CD200R1L: variants seen among roughly 807,000 people sequenced by gnomAD.
The protein encoded by CD200R1L is cell surface glycoprotein CD200 receptor 2.
Under a neutral mutation model 24.8 loss-of-function variants are expected in CD200R1L, and 14 were observed. The ratio of observed to expected loss-of-function variants is 0.56; its 90% CI spans 0.37 to 0.88. The LOEUF is 0.88. Among genes scored for constraint, CD200R1L ranks in the 40% least tolerant of loss-of-function variants. The pLI is 0.00. For synonymous variants in CD200R1L, 111 were observed against 109.2 expected, an observed-to-expected ratio of 1.02 and a Z score of -0.11; for missense variants, 299 against 297.8, an observed-to-expected ratio of 1.00 and a Z score of -0.03.
At chr3:112,835,557 C>T (rs918256719) in intron 3 of CD200R1L, among the ~76,000 whole-genome samples, 13 of 152,346 alleles carry the variant, frequency 8.5e-5, no homozygotes, top group African/African-American at 2.6e-4. Context: ...TTTCAGTTTG[C>T]GGGACCAGTA....
chr3:112,844,563 T>G (rs955680783), intron 2 of CD200R1L, among the ~76,000 whole-genome samples: 1 of 152,178 alleles, frequency 6.6e-6, no homozygotes, highest in Non-Finnish European at 1.5e-5. Flanking sequence ...AGAGAAAAGT[T>G]TATAGTGCTA....
chr3:112,845,036 CA>C (rs1229128940), intron 2 of CD200R1L, among the ~76,000 whole-genome samples: 1 of 151,944 alleles, frequency 6.6e-6, no homozygotes, highest in Non-Finnish European at 1.5e-5. Context: ...TCACTAAAAT[CA>C]GAGCAGAACT....
intron 2 of CD200R1L, among the ~76,000 whole-genome samples, chr3:112,841,911 C>G (rs780130259): frequency 2.6e-4 from 40 of 152,178 alleles, no homozygotes; most frequent in Non-Finnish European, 5.6e-4. Flanking sequence ...GAGAGGAGCC[C>G]CCACTCTCAG....
chr3:112,826,423 A>G lies in CD200R1L; in HGVS notation c.616+570T>C, dbSNP rs1234545430. On this transcript the variant is annotated intron_variant, in intron 6 of 7. Transcript: ENST00000488794. ...AGACAGAGATATTAAATACTGTTCA[A>G]GTTCATATAGCTGGTGAACAAAAAG... Among the ~76,000 whole-genome samples, 4 of 152,278 alleles carry G rather than the reference A, an allele frequency of 2.6e-5. No homozygotes were observed. In the East Asian group the frequency reaches 7.7e-4, roughly 29 times the overall value.
intron 3 of CD200R1L, among the ~76,000 whole-genome samples, chr3:112,829,976 G>A (rs1938756779): frequency 6.6e-6 from 1 of 152,118 alleles, no homozygotes; most frequent in South Asian, 2.1e-4. Flanking sequence ...CTGTGCCATT[G>A]CCCCAATATT....
At chr3:112,826,929 T>G (rs1226832534) in intron 6 of CD200R1L, 64 bp downstream of exon 6, 1 of 1,503,120 alleles carries the variant, frequency 6.7e-7, no homozygotes, top group East Asian at 2.3e-5. Flanking sequence ...TGGTTATTCG[T>G]TATTTTCTAT....
At chr3:112,816,036 C>T (rs1204201312) in intron 7 of CD200R1L, 61 bp from the exon 8 acceptor site, 7 of 767,074 alleles carry the variant, frequency 9.1e-6, no homozygotes, top group South Asian at 8.3e-5. Context: ...TGCAAGTGGG[C>T]ATACTCAGCA....
intron 6 of CD200R1L, among the ~76,000 whole-genome samples, chr3:112,822,650 C>G (rs1284951845): frequency 6.6e-6 from 1 of 151,994 alleles, no homozygotes; most frequent in Non-Finnish European, 1.5e-5. Context: ...TTTGTCTGTT[C>G]CTGAGTTGGA....
chr3:112,830,549 C>A (rs1938773138), intron 3 of CD200R1L, among the ~76,000 whole-genome samples: 1 of 119,712 alleles, frequency 8.4e-6, no homozygotes, highest in Non-Finnish European at 1.6e-5. Flanking sequence ...TTCCTGTAGG[C>A]TTTGATGCAG....
chr3:112,840,784 A>T (rs1439311928), intron 2 of CD200R1L, among the ~76,000 whole-genome samples: 1 of 152,184 alleles, frequency 6.6e-6, no homozygotes, highest in African/African-American at 2.4e-5. Context: ...AGCTAGAAAA[A>T]CTGAAATTGT....
In CD200R1L at chr3:112,815,730, T is replaced by A; in HGVS notation, c.*233A>T. Reference sequence around the variant, plus strand: ...TAACACTGGCATGAACAAAATTTTATTCACTCTAACACAAAAGAAGTCAAT... The same window carrying A: ...TAACACTGGCATGAACAAAATTTTAATCACTCTAACACAAAAGAAGTCAAT... On this transcript the variant is annotated 3_prime_UTR_variant, in exon 8 of 8. Transcript: ENST00000488794. The A allele has an allele frequency of 2.1e-6, 1 of 479,604 alleles. No homozygotes were observed. The highest frequency in any genetic ancestry group is 3.8e-6 in the Non-Finnish European group (1 of 264,344). The allele number at this position is 479,604 out of a possible 1,614,324, so 29.7% of individuals were successfully genotyped here.
At chr3:112,831,395 C>T (rs1938794717) in intron 3 of CD200R1L, among the ~76,000 whole-genome samples, 3 of 152,088 alleles carry the variant, frequency 2.0e-5, no homozygotes, top group South Asian at 4.2e-4. Flanking sequence ...CATTCTTAGG[C>T]AATGTGTACG....
At chr3:112,835,259 T>C (rs1938909630) in intron 3 of CD200R1L, among the ~76,000 whole-genome samples, 1 of 152,114 alleles carries the variant, frequency 6.6e-6, no homozygotes, top group Non-Finnish European at 1.5e-5. Flanking sequence ...AGCCAGGGTG[T>C]CCTGATGAGT....
At chr3:112,830,979 G>A (rs949014914) in intron 3 of CD200R1L, among the ~76,000 whole-genome samples, 2 of 152,236 alleles carry the variant, frequency 1.3e-5, no homozygotes, top group Non-Finnish European at 2.9e-5. Context: ...ATATCCACAC[G>A]GACCCATCTC....
intron 6 of CD200R1L, among the ~76,000 whole-genome samples, chr3:112,821,891 G>T (rs1468888283): frequency 6.6e-6 from 1 of 152,186 alleles, no homozygotes; most frequent in Non-Finnish European, 1.5e-5. Context: ...GACCTTGCTG[G>T]TCTGCGGGAT....
chr3:112,821,879 T>A (rs1938546473), intron 6 of CD200R1L, among the ~76,000 whole-genome samples: 1 of 152,202 alleles, frequency 6.6e-6, no homozygotes, highest in Non-Finnish European at 1.5e-5. Flanking sequence ...GGACTTGAAA[T>A]GGACCTTGCT....
In CD200R1L at chr3:112,827,008, C is replaced by T. The variant is rs142953807; in HGVS notation, c.601G>A (p.Val201Ile). The T allele has an allele frequency of 6.5e-5, 104 of 1,606,922 alleles. No individual in the cohort carries two copies. The East Asian group carries it at 8.0e-4, about 12-fold the overall frequency. ...AGGCGCTTACCTGAATTCAACTTTA[C>T]GGACAGACTCTTGTTGCCAGTCAAA... ...SHLTGNKSLS[V>I]KLNSGLRTSG... Residue 201 changes from valine to isoleucine, a missense_variant, in exon 6 of 8, where the codon GTA (valine) becomes ATA (isoleucine). Physicochemically the swap from Val to Ile is conservative, Grantham distance 29 (BLOSUM62 3). Coordinates refer to ENST00000488794, the MANE Select transcript of CD200R1L (RefSeq NM_001199215.3).
At chr3:112,832,293 G>C (rs1291791298) in intron 3 of CD200R1L, among the ~76,000 whole-genome samples, 1 of 152,124 alleles carries the variant, frequency 6.6e-6, no homozygotes, top group East Asian at 1.9e-4. Flanking sequence ...AAGAAATCCT[G>C]GGCCTGGTTC....
chr3:112,829,289 G>T (rs755766688), intron 4 of CD200R1L, 30 bp downstream of exon 4: 2 of 1,573,748 alleles, frequency 1.3e-6, no homozygotes, highest in Non-Finnish European at 1.7e-6. Flanking sequence ...CCATCCCTCA[G>T]TGCTGGCCAC....
Sources: gnomAD v4.1 joint callset for allele counts (sites outside exome capture counted in the v4.1 genomes callset) on GRCh38, gnomAD v4.1.1 for gene constraint, MANE v1.5 for transcripts, NCBI Gene and HGNC (gene_info 2026-07-23, HGNC 2026-07-21) for gene names.